Variants in CBLB observed in about 807,000 individuals in gnomAD.
CBLB encodes the protein E3 ubiquitin-protein ligase CBL-B.
In CBLB, 31 loss-of-function variants were observed where a neutral mutation model predicts 104.9. The ratio of observed to expected loss-of-function variants is 0.30; its 90% confidence interval spans 0.22 to 0.40. The LOEUF is 0.40. Ranked by LOEUF, CBLB falls within the 10% of genes least tolerant of loss-of-function variation. The probability of loss-of-function intolerance (pLI) is 1.00; values close to 1 mark genes in which losing one functional copy is unlikely to be tolerated. For missense variants in CBLB, 1,062 were observed against 1,214.6 expected, an observed-to-expected ratio of 0.87 and a Z score of 1.87; for synonymous variants, 440 against 422.6, an observed-to-expected ratio of 1.04 and a Z score of -0.51.
intron 3 of CBLB, among the ~76,000 whole-genome samples, chr3:105,833,612 A>G (rs950038646): frequency 1.3e-5 from 2 of 152,110 alleles, no homozygotes; most frequent in African/African-American, 4.8e-5. Flanking sequence ...GGTATTATAA[A>G]TATAAATGAG....
intron 3 of CBLB, among the ~76,000 whole-genome samples, chr3:105,844,522 AC>A (rs1318878677): frequency 6.6e-6 from 1 of 152,212 alleles, no homozygotes; most frequent in African/African-American, 2.4e-5. Flanking sequence ...TATAAAGGGC[AC>A]TTTTTGTAAT....
At chr3:105,663,583 A>G (rs1282921247) in intron 18 of CBLB, among the ~76,000 whole-genome samples, 1 of 152,296 alleles carries the variant, frequency 6.6e-6, no homozygotes, top group Non-Finnish European at 1.5e-5. Context: ...GTTCACTCAT[A>G]TAGCCTCCAG....
Position 105,659,216 on chromosome 3 carries a change from T to C in CBLB, c.2703A>G (p.Ala901=). 6.2e-7 allele frequency: 1 copy of C among 1,613,980 alleles called. No homozygotes were observed. The highest frequency in any genetic ancestry group is 8.5e-7 in the Non-Finnish European group (1 of 1,179,886). Residue 901 remains alanine, a synonymous_variant, in exon 19 of 19, where the codon GCA becomes GCG. Transcript: ENST00000394030. ...QLPSCSDGSQ[A]PARPPKPRPR... is the part of the protein sequence containing the mutation. ...GTCGTGGTTTAGGGGGTCTGGCTGGTGCCTGTGAACCATCTGTGTAGATTT... is the reference window on the plus strand; with the variant it reads ...GTCGTGGTTTAGGGGGTCTGGCTGGCGCCTGTGAACCATCTGTGTAGATTT...
intron 2 of CBLB, among the ~76,000 whole-genome samples, chr3:105,862,708 T>C (rs2092187798): frequency 6.6e-6 from 1 of 152,136 alleles, no homozygotes; most frequent in Non-Finnish European, 1.5e-5. Flanking sequence ...TTCTACCAAA[T>C]AAATTAAGAC....
chr3:105,779,427 G>A (rs1190446368), intron 3 of CBLB, among the ~76,000 whole-genome samples: 2 of 152,046 alleles, frequency 1.3e-5, no homozygotes, highest in Non-Finnish European at 2.9e-5. Context: ...ATAAGGCAAT[G>A]AAAAAATACA....
At chr3:105,757,589 T>C (rs2152923717) in intron 4 of CBLB, among the ~76,000 whole-genome samples, 1 of 152,348 alleles carries the variant, frequency 6.6e-6, no homozygotes, top group South Asian at 2.1e-4. Flanking sequence ...TCTATATGTA[T>C]GATTTGTGTA....
rs570597670 is a variant in CBLB at position 105,765,886 on chromosome 3, T to C, written c.566+10510A>G. On this transcript the variant is annotated intron_variant, in intron 4 of 18. Transcript: ENST00000394030. ...CCATGAATCAAGGAGCCATTTTGAC[T>C]TTCAAGTCTTATTATTTAAGAAATA... Among the ~76,000 whole-genome samples, 7 of 152,350 alleles carry C rather than the reference T, an allele frequency of 4.6e-5. No individual in the cohort carries two copies. The East Asian group carries it at 1.3e-3, about 29-fold the overall frequency.
intron 3 of CBLB, among the ~76,000 whole-genome samples, chr3:105,837,383 A>G (rs993314752): frequency 6.6e-6 from 1 of 152,248 alleles, no homozygotes; most frequent in Admixed American, 6.5e-5. Context: ...ATTCAGGGTC[A>G]TAAGTACAAC....
rs548903442 is a variant in CBLB, at chr3:105,856,590, A to AT, written c.169-2927dup. Among the ~76,000 whole-genome samples, 153 of 150,922 alleles carry AT rather than the reference A, an allele frequency of 1.0e-3. 1 individual carries two copies. Among genetic ancestry groups the AT allele is most frequent in the African/African-American group, 3.6e-3 (148 of 41,234 alleles). ...CAAATTAATGGATTGGTTGACTGCT[A>AT]TTTTTTTTTCACAAATAGTTTGATT... On this transcript the variant is annotated intron_variant, in intron 2 of 18. Transcript: ENST00000394030.
intron 17 of CBLB, 68 bp downstream of exon 17, chr3:105,678,363 T>C: frequency 2.1e-6 from 3 of 1,443,808 alleles, no homozygotes; most frequent in Middle Eastern, 2.0e-4. Context: ...CTAACATTTA[T>C]TTGATAGTAT....
intron 3 of CBLB, among the ~76,000 whole-genome samples, chr3:105,798,933 G>A (rs1199013056): frequency 1.3e-5 from 2 of 152,132 alleles, no homozygotes; most frequent in African/African-American, 2.4e-5. Flanking sequence ...GACAAAAGGT[G>A]ACTAATTAAG....
At chr3:105,804,187 A>G (rs2083227297) in intron 3 of CBLB, among the ~76,000 whole-genome samples, 1 of 152,208 alleles carries the variant, frequency 6.6e-6, no homozygotes, top group African/African-American at 2.4e-5. Context: ...AAATTGAAAT[A>G]GGCTATAAAT....
chr3:105,847,714 C>T (rs1454899792), intron 3 of CBLB, among the ~76,000 whole-genome samples: 1 of 151,998 alleles, frequency 6.6e-6, no homozygotes, highest in Non-Finnish European at 1.5e-5. Flanking sequence ...TCTCAGTATC[C>T]TTCGGCCATC....
At position 105,726,039 on chromosome 3, in the gene CBLB, AG is replaced by A. The variant is rs1193790723; in HGVS notation, c.1204-5790del. Among the ~76,000 whole-genome samples the A allele has an allele frequency of 3.3e-5, 5 of 152,178 alleles. No individual in the cohort carries two copies. In the East Asian group the frequency reaches 9.7e-4, roughly 29 times the overall value. Reference sequence around the variant, plus strand: ...GTTATTTGGTATTTTTAGTAGAAACAGGGTTCGCCATGTTGGCTAGGCTGGT... The same window carrying A: ...GTTATTTGGTATTTTTAGTAGAAACAGGTTCGCCATGTTGGCTAGGCTGGT... On this transcript the variant is annotated intron_variant, in intron 9 of 18. Transcript: ENST00000394030.
At chr3:105,775,348 A>G (rs1277231905) in intron 4 of CBLB, among the ~76,000 whole-genome samples, 1 of 151,894 alleles carries the variant, frequency 6.6e-6, no homozygotes, top group African/African-American at 2.4e-5. Flanking sequence ...AGTAAACTAT[A>G]GTACTTTGTA....
At chr3:105,732,402 T>C (rs1229001458) in intron 9 of CBLB, among the ~76,000 whole-genome samples, 4 of 152,166 alleles carry the variant, frequency 2.6e-5, no homozygotes, top group African/African-American at 4.8e-5. Flanking sequence ...CCCTGTAATA[T>C]GCAAATTTCG....
Position 105,734,123 on chromosome 3 carries a change from A to G in CBLB, c.1089T>C (p.Tyr363=), listed in dbSNP as rs1312260222. 3 of 1,613,852 alleles carry G rather than the reference A, an allele frequency of 1.9e-6. No individual in the cohort carries two copies. The highest frequency in any genetic ancestry group is 2.2e-5 in the South Asian group (2 of 91,076). The change falls in exon 9 of 19, where the codon TAT becomes TAC. Residue 363 remains tyrosine (Y), a synonymous_variant. Transcript: ENST00000394030. ...GCTGAAAAGTGGAGCCCATTTCACA[A>G]TATAATTCATATTGTTCCTGGAATT... ...IKVTQEQYEL[Y]CEMGSTFQLC...
intron 5 of CBLB, among the ~76,000 whole-genome samples, chr3:105,748,394 G>GGA (rs1447360363): frequency 2.0e-5 from 3 of 152,030 alleles, no homozygotes; most frequent in Non-Finnish European, 4.4e-5. Flanking sequence ...CTATTCCATT[G>GGA]ATGCTACACA....
intron 3 of CBLB, among the ~76,000 whole-genome samples, chr3:105,808,345 T>C (rs1204757854): frequency 6.6e-6 from 1 of 152,208 alleles, no homozygotes; most frequent in Non-Finnish European, 1.5e-5. Context: ...ACATCTTTAG[T>C]AATATGTGTT....
Sources: gnomAD v4.1 joint callset for allele counts (sites outside exome capture counted in the v4.1 genomes callset) on GRCh38, gnomAD v4.1.1 for gene constraint, MANE v1.5 for transcripts, NCBI Gene and HGNC (gene_info 2026-07-23, HGNC 2026-07-21) for gene names.